ADARB2: variants seen among roughly 807,000 people sequenced by gnomAD.
The protein encoded by ADARB2 is inactive double-stranded RNA-specific editase B2.
In ADARB2, 25 loss-of-function variants were observed where a neutral mutation model predicts 62.2. The ratio of observed to expected loss-of-function variants is 0.40; its 90% CI spans 0.29 to 0.56. The LOEUF is 0.56. ADARB2 is among the 20% of genes least tolerant of loss of function. The pLI, the probability that ADARB2 is intolerant of heterozygous loss-of-function variation, is 0.43. For missense variants in ADARB2, 1,071 were observed against 1,077.4 expected (o/e 0.99, Z 0.08); for synonymous variants, 572 against 500.8 (o/e 1.14, Z -1.90).
At chr10:1,576,010 T>C (rs113348512) in intron 1 of ADARB2, among the ~76,000 whole-genome samples, 52,575 of 95,554 alleles carry the variant, frequency 0.55, 14,622 homozygotes, top group African/African-American at 0.59. Context: ...AAGTTCAGGA[T>C]CCATGGGAGG....
At chr10:1,500,438 C>T (rs1478327220) in intron 1 of ADARB2, among the ~76,000 whole-genome samples, 1 of 152,166 alleles carries the variant, frequency 6.6e-6, no homozygotes, top group Non-Finnish European at 1.5e-5. Flanking sequence ...TTCATAGCTG[C>T]CAAAAAGGCC....
chr10:1,619,652 A>C (rs1378311048), intron 1 of ADARB2, among the ~76,000 whole-genome samples: 3 of 152,158 alleles, frequency 2.0e-5, no homozygotes, highest in African/African-American at 7.2e-5. Flanking sequence ...GGGTTTCACC[A>C]TGTTGGCCAG....
At chr10:1,567,733 C>T (rs1832876075) in intron 1 of ADARB2, among the ~76,000 whole-genome samples, 1 of 151,974 alleles carries the variant, frequency 6.6e-6, no homozygotes, top group South Asian at 2.1e-4. Flanking sequence ...TTTATCCTCT[C>T]TTCCTCACCA....
intron 7 of ADARB2, among the ~76,000 whole-genome samples, chr10:1,213,266 GAGAC>G (rs368897238): frequency 2.6e-3 from 402 of 152,180 alleles, no homozygotes; most frequent in African/African-American, 9.2e-3. Context: ...GACAAAGCTA[GAGAC>G]AGACAGGGAG....
intron 1 of ADARB2, among the ~76,000 whole-genome samples, chr10:1,531,312 C>T (rs1272742801): frequency 2.6e-5 from 4 of 152,228 alleles, no homozygotes; most frequent in Non-Finnish European, 5.9e-5. Flanking sequence ...CAGGCTGCTG[C>T]ATGCCAAGGG....
chr10:1,655,032 C>G (rs912473727), intron 1 of ADARB2, among the ~76,000 whole-genome samples: 1 of 152,236 alleles, frequency 6.6e-6, no homozygotes, highest in Non-Finnish European at 1.5e-5. Flanking sequence ...CGGGAGGAAT[C>G]TCACTTCCCC....
chr10:1,558,645 C>CT (rs1832743789), intron 1 of ADARB2, among the ~76,000 whole-genome samples: 1 of 131,894 alleles, frequency 7.6e-6, no homozygotes, highest in African/African-American at 3.0e-5. Context: ...CTCTGCCCCC[C>CT]TCCGTGGGTG....
chr10:1,439,153 C>T (rs1436865589), intron 1 of ADARB2, among the ~76,000 whole-genome samples: 3 of 116,054 alleles, frequency 2.6e-5, no homozygotes, highest in African/African-American at 3.3e-5. Flanking sequence ...GGAGGCAGGC[C>T]CTTCACGATG....
At chr10:1,213,119 G>A (rs1340164757) in intron 7 of ADARB2, among the ~76,000 whole-genome samples, 3 of 152,140 alleles carry the variant, frequency 2.0e-5, no homozygotes, top group Non-Finnish European at 2.9e-5. Context: ...CACAGCCAGG[G>A]AGGAGGATGA....
chr10:1,355,128 G>T (rs531706616), intron 3 of ADARB2, among the ~76,000 whole-genome samples: 1 of 152,330 alleles, frequency 6.6e-6, no homozygotes, highest in East Asian at 1.9e-4. Flanking sequence ...CACACAGTCG[G>T]GCTCTGCAGT....
chr10:1,683,100 T>C (rs555224599), intron 1 of ADARB2, among the ~76,000 whole-genome samples: 2 of 152,352 alleles, frequency 1.3e-5, no homozygotes, highest in African/African-American at 4.8e-5. Context: ...GCTTTACTTA[T>C]GGGATAGACA....
intron 1 of ADARB2, among the ~76,000 whole-genome samples, chr10:1,444,286 C>CATCCATCT (rs1369319453): frequency 8.0e-6 from 1 of 124,440 alleles, no homozygotes; most frequent in Non-Finnish European, 1.7e-5. Context: ...TATCTACATC[C>CATCCATCT]ATCCATCCAT....
intron 1 of ADARB2, chr10:1,394,778 G>A (rs958105853): frequency 4.4e-5 from 20 of 453,532 alleles, no homozygotes; most frequent in Non-Finnish European, 8.4e-5. Context: ...ATTCTGCAAA[G>A]ACCTGGTAGG....
chr10:1,525,196 A>G (rs1832125353), intron 1 of ADARB2, among the ~76,000 whole-genome samples: 1 of 152,076 alleles, frequency 6.6e-6, no homozygotes, highest in Admixed American at 6.5e-5. Flanking sequence ...TCCTTTTTGT[A>G]TGTTTGGGGG....
At position 1,181,787 on chromosome 10, in the gene ADARB2, G is replaced by T. The variant is rs1411388884; in HGVS notation, c.*1406C>A. The T allele has an allele frequency of 6.6e-6, 1 of 152,166 alleles. No homozygotes were observed. Among genetic ancestry groups the T allele is most frequent in the Non-Finnish European group, 1.5e-5 (1 of 68,030 alleles). The allele number at this position is 152,166 out of a possible 1,614,324, so 9.4% of individuals were successfully genotyped here. ...TGAATTTCAGAGATGGATTTTTTAAGTTGGAGAAATGAGAGACTGGCTATC... is the reference window on the plus strand; with the variant it reads ...TGAATTTCAGAGATGGATTTTTTAATTTGGAGAAATGAGAGACTGGCTATC... On this transcript the variant is annotated 3_prime_UTR_variant, in exon 10 of 10. Coordinates refer to ENST00000381312, the MANE Select transcript of ADARB2 (RefSeq NM_018702.4).
At chr10:1,508,538 G>A (rs772544354) in intron 1 of ADARB2, among the ~76,000 whole-genome samples, 16 of 152,138 alleles carry the variant, frequency 1.1e-4, no homozygotes, top group Non-Finnish European at 2.2e-4. Flanking sequence ...CCAGCACTTC[G>A]GGAGACCAAG....
chr10:1,252,653 A>G (rs958489520), intron 4 of ADARB2, among the ~76,000 whole-genome samples: 5 of 102,400 alleles, frequency 4.9e-5, no homozygotes, highest in African/African-American at 1.1e-4. Flanking sequence ...CTTTTCCTGC[A>G]AGCCAATTTT....
intron 4 of ADARB2, among the ~76,000 whole-genome samples, chr10:1,253,874 G>A (rs1008618707): frequency 6.6e-6 from 1 of 152,172 alleles, no homozygotes; most frequent in African/African-American, 2.4e-5. Context: ...GGATGTGGTG[G>A]CATCTGTGGT....
chr10:1,271,266 A>T (rs1407534238), intron 3 of ADARB2, among the ~76,000 whole-genome samples, 197 bp from the exon 4 acceptor site: 1 of 152,186 alleles, frequency 6.6e-6, no homozygotes, highest in African/African-American at 2.4e-5. Context: ...ACTCAGAATC[A>T]TATTGAGTGG....
Sources: allele counts gnomAD v4.1 joint callset (sites outside exome capture counted in the v4.1 genomes callset), GRCh38; gene constraint gnomAD v4.1.1; transcripts MANE v1.5; gene names NCBI Gene and HGNC (gene_info 2026-07-23, HGNC 2026-07-21).